The following BRI3 variants were observed in gnomAD, a reference collection of about 807,000 sequenced individuals.
BRI3 encodes membrane protein BRI3.
Under a neutral mutation model 12.8 loss-of-function variants are expected in BRI3, and 6 were observed. That is an observed-to-expected ratio of 0.47 (90% CI 0.26 to 0.93). BRI3 has a LOEUF of 0.93. BRI3 is among the 40% of genes least tolerant of loss of function. The probability of loss-of-function intolerance (pLI) is 0.15; values close to 1 mark genes in which losing one functional copy is unlikely to be tolerated. For missense variants in BRI3, 134 were observed against 171.1 expected, an observed-to-expected ratio of 0.78 and a Z score of 1.21; for synonymous variants, 91 against 76.1, an observed-to-expected ratio of 1.20 and a Z score of -1.02.
the BRI3 span, among the ~76,000 whole-genome samples, chr7:98,316,772 C>T: frequency 2.0e-5 from 3 of 152,128 alleles, no homozygotes; most frequent in South Asian, 6.2e-4. Context: ...CTCCTTCATC[C>T]ACTCCCCAGT....
At chr7:98,282,659 T>G (rs1296656744) in intron 2 of BRI3, 1 of 553,530 alleles carries the variant, frequency 1.8e-6, no homozygotes, top group Non-Finnish European at 3.2e-6. Context: ...GAACACATTT[T>G]GTGGGGGCAA....
rs1441384766 is a variant in BRI3, at chr7:98,298,751, G to A, written c.72-7732G>A. On this transcript the variant is annotated intron_variant and NMD_transcript_variant, in intron 1 of 2. Coordinates refer to the BRI3 transcript ENST00000491463. ...GTTAGGGAAAGCTAAGTTATTAATC[G>A]AGGTGGACATAAAAAGGCTGAGACA... Among the ~76,000 whole-genome samples, 5 of 152,186 alleles carry A rather than the reference G, an allele frequency of 3.3e-5. No homozygotes were observed. In the South Asian group the frequency reaches 8.3e-4, roughly 25 times the overall value.
downstream of BRI3, chr7:98,293,530 G>C: frequency 6.2e-7 from 1 of 1,613,434 alleles, no homozygotes; most frequent in East Asian, 2.2e-5. Context: ...CTCATCGAAT[G>C]ATGGGTGCCG....
downstream of BRI3, among the ~76,000 whole-genome samples, chr7:98,297,029 G>T (rs966748984): frequency 6.6e-6 from 1 of 152,202 alleles, no homozygotes; most frequent in Non-Finnish European, 1.5e-5. Flanking sequence ...AGGGCCCCGC[G>T]GGCACTGCCT....
At chr7:98,285,915 CT>C (rs1799697260) in intron 2 of BRI3, among the ~76,000 whole-genome samples, 1 of 152,214 alleles carries the variant, frequency 6.6e-6, no homozygotes, top group Non-Finnish European at 1.5e-5. Flanking sequence ...AGCCCTGCGT[CT>C]CCCCTTTTCC....
At chr7:98,282,528 G>T in intron 2 of BRI3, 75 bp downstream of exon 2, 1 of 1,264,530 alleles carries the variant, frequency 7.9e-7, no homozygotes, top group East Asian at 2.4e-5. Context: ...GGACCTCACA[G>T]CTCTGCTTGT....
At chr7:98,316,646 CTT>C in the BRI3 span, among the ~76,000 whole-genome samples, 3 of 152,214 alleles carry the variant, frequency 2.0e-5, no homozygotes, top group Non-Finnish European at 4.4e-5. Context: ...CAAGACCTCT[CTT>C]CTAACTATTT....
intron 2 of BRI3, among the ~76,000 whole-genome samples, chr7:98,290,186 T>G (rs952038073): frequency 2.0e-3 from 112 of 56,188 alleles, no homozygotes; most frequent in Admixed American, 2.8e-3. Context: ...AGGTTGTTTT[T>G]TTTTTTTTTT....
upstream of BRI3, among the ~76,000 whole-genome samples, chr7:98,305,047 GTTTTTT>G (rs59633894): frequency 2.9e-4 from 29 of 100,380 alleles, no homozygotes; most frequent in Admixed American, 1.2e-3. Flanking sequence ...TTTGTTTTTT[GTTTTTT>G]TTTTTTTTTT....
upstream of BRI3, among the ~76,000 whole-genome samples, chr7:98,303,436 G>A (rs1175087889): frequency 1.3e-5 from 2 of 152,198 alleles, no homozygotes; most frequent in Non-Finnish European, 2.9e-5. Flanking sequence ...ACCCAGCCCG[G>A]GAGTGATGTC....
At chr7:98,287,218 G>A (rs1799740351) in intron 2 of BRI3, among the ~76,000 whole-genome samples, 1 of 152,242 alleles carries the variant, frequency 6.6e-6, no homozygotes, top group African/African-American at 2.4e-5. Context: ...AGACCCGGGG[G>A]CCTTGGCCCT....
the BRI3 span, among the ~76,000 whole-genome samples, chr7:98,319,289 C>A: frequency 6.6e-6 from 1 of 152,162 alleles, no homozygotes; most frequent in Non-Finnish European, 1.5e-5. Flanking sequence ...CCTGGATAAA[C>A]CTGCTGAAAT....
upstream of BRI3, among the ~76,000 whole-genome samples, chr7:98,301,683 G>A (rs570744671): frequency 6.6e-6 from 1 of 152,154 alleles, no homozygotes; most frequent in Admixed American, 6.6e-5. Context: ...GTGTGCACAC[G>A]CGCGTCTGTG....
chr7:98,286,022 G>C (rs1799701591), intron 2 of BRI3, among the ~76,000 whole-genome samples: 1 of 152,196 alleles, frequency 6.6e-6, no homozygotes, highest in Non-Finnish European at 1.5e-5. Flanking sequence ...GGGCAGCTTG[G>C]TGCCCTAGGG....
intron 2 of BRI3, among the ~76,000 whole-genome samples, chr7:98,285,536 G>A (rs1799682561): frequency 1.3e-5 from 2 of 152,180 alleles, no homozygotes; most frequent in African/African-American, 2.4e-5. Flanking sequence ...CCGGAGCTTG[G>A]GCCTGGGCTG....
the BRI3 span, among the ~76,000 whole-genome samples, chr7:98,322,461 C>G: frequency 6.6e-6 from 1 of 152,164 alleles, no homozygotes; most frequent in Non-Finnish European, 1.5e-5. Context: ...ATCAACTTCT[C>G]GCCCATGTGT....
At chr7:98,298,348 C>CA (rs1562963173) in intron 1 of BRI3, among the ~76,000 whole-genome samples, 1 of 152,180 alleles carries the variant, frequency 6.6e-6, no homozygotes, top group Non-Finnish European at 1.5e-5. Flanking sequence ...TGCGGTGGCT[C>CA]ACGCCTGTAA....
At chr7:98,282,153 C>T (rs1020677623) in intron 1 of BRI3, among the ~76,000 whole-genome samples, 198 bp from the exon 2 acceptor site, 2 of 152,176 alleles carry the variant, frequency 1.3e-5, no homozygotes, top group Non-Finnish European at 2.9e-5. Flanking sequence ...CGGATCCCTG[C>T]CCCAGATGAA....
At chr7:98,310,562 A>G (rs757083747), downstream of BRI3, 1 of 1,592,036 alleles carries the variant, frequency 6.3e-7, no homozygotes, top group Non-Finnish European at 8.5e-7. Flanking sequence ...TTTGGTGAGC[A>G]TTTAGAAAGG....
Sources: allele counts gnomAD v4.1 joint callset (sites outside exome capture counted in the v4.1 genomes callset), GRCh38; gene constraint gnomAD v4.1.1; transcripts MANE v1.5; gene names NCBI Gene and HGNC (gene_info 2026-07-23, HGNC 2026-07-21).